BNC2: variants seen among roughly 807,000 people sequenced by gnomAD.
BNC2 encodes basonuclin zinc finger protein 2.
Under a neutral mutation model 76.3 loss-of-function variants are expected in BNC2, and 20 were observed. That is an observed-to-expected ratio of 0.26 (90% confidence interval 0.18 to 0.38). The LOEUF is 0.38. BNC2 is among the 10% of genes least tolerant of loss of function. BNC2 has a pLI of 1.00. For missense variants in BNC2, 1,382 were observed against 1,399.8 expected (o/e 0.99, Z 0.20); for synonymous variants, 582 against 514.8 (o/e 1.13, Z -1.77).
At chr9:16,795,433 A>T (rs1009742988) in intron 1 of BNC2, among the ~76,000 whole-genome samples, 1 of 151,668 alleles carries the variant, frequency 6.6e-6, no homozygotes, top group Non-Finnish European at 1.5e-5. Context: ...AATACCGGAA[A>T]CATTGGGAGA....
At chr9:16,718,587 T>C (rs1203787364) in intron 3 of BNC2, among the ~76,000 whole-genome samples, 1 of 152,200 alleles carries the variant, frequency 6.6e-6, no homozygotes, top group Non-Finnish European at 1.5e-5. Context: ...TGAAGTAAGC[T>C]GTAGTCTCCC....
intron 1 of BNC2, among the ~76,000 whole-genome samples, chr9:16,784,683 T>C (rs978094942): frequency 6.6e-6 from 1 of 152,184 alleles, no homozygotes; most frequent in African/African-American, 2.4e-5. Flanking sequence ...CCAATCTCAA[T>C]CACTAGAGTA....
intron 1 of BNC2, among the ~76,000 whole-genome samples, chr9:16,763,593 T>C (rs1330510573): frequency 1.3e-5 from 2 of 151,802 alleles, no homozygotes; most frequent in Non-Finnish European, 2.9e-5. Flanking sequence ...AAAACCATCA[T>C]CACCTTCAGA....
intron 3 of BNC2, among the ~76,000 whole-genome samples, chr9:16,687,734 T>C (rs1272680124): frequency 6.6e-6 from 1 of 152,200 alleles, no homozygotes; most frequent in African/African-American, 2.4e-5. Flanking sequence ...ACCTTAAGAT[T>C]ATTTGACCAC....
chr9:16,520,455 G>C (rs1006638237), intron 5 of BNC2, among the ~76,000 whole-genome samples: 1 of 152,118 alleles, frequency 6.6e-6, no homozygotes, highest in Non-Finnish European at 1.5e-5. Flanking sequence ...TGAATGGAGA[G>C]CATGAGATTC....
At chr9:16,703,148 G>A (rs1035619723) in intron 3 of BNC2, among the ~76,000 whole-genome samples, 4 of 152,018 alleles carry the variant, frequency 2.6e-5, no homozygotes, top group African/African-American at 9.7e-5. Flanking sequence ...AAATCAAATT[G>A]GAAAGGGCTG....
At chr9:16,518,890 T>C (rs1817524613) in intron 5 of BNC2, among the ~76,000 whole-genome samples, 1 of 152,336 alleles carries the variant, frequency 6.6e-6, no homozygotes. Context: ...CGTGAGCCAC[T>C]GAGCCCGGCC....
At chr9:16,820,901 G>A (rs534696222) in intron 1 of BNC2, among the ~76,000 whole-genome samples, 67 of 152,138 alleles carry the variant, frequency 4.4e-4, no homozygotes, top group African/African-American at 1.5e-3. Flanking sequence ...CCAGGGCAAT[G>A]ATGGCTTAAA....
intron 5 of BNC2, among the ~76,000 whole-genome samples, chr9:16,469,878 C>T (rs1821783926): frequency 6.6e-6 from 1 of 152,048 alleles, no homozygotes; most frequent in East Asian, 1.9e-4. Flanking sequence ...GCATTTTGCC[C>T]CTGCTCTAGA....
intron 3 of BNC2, among the ~76,000 whole-genome samples, chr9:16,667,885 A>G (rs1288070643): frequency 6.6e-6 from 1 of 152,128 alleles, no homozygotes; most frequent in African/African-American, 2.4e-5. Context: ...CTCTATTTGC[A>G]CCCCAAAACA....
chr9:16,429,094 C>T (rs992738344), intron 6 of BNC2, among the ~76,000 whole-genome samples: 1 of 152,106 alleles, frequency 6.6e-6, no homozygotes, highest in Non-Finnish European at 1.5e-5. Flanking sequence ...CTGCCACATT[C>T]ATTTATTTGA....
chr9:16,533,057 A>G (rs1818029295), intron 5 of BNC2, among the ~76,000 whole-genome samples: 2 of 152,232 alleles, frequency 1.3e-5, no homozygotes, highest in Admixed American at 6.5e-5. Context: ...ATATACACTC[A>G]TTTAAACTTT....
At chr9:16,421,864 C>CT (rs5896690) in intron 6 of BNC2, among the ~76,000 whole-genome samples, 1 of 151,828 alleles carries the variant, frequency 6.6e-6, no homozygotes, top group Non-Finnish European at 1.5e-5. Context: ...AAATCCTACC[C>CT]GTTTATTATT....
At position 16,417,964 on chromosome 9, in the gene BNC2, T is replaced by G. The variant is rs1406056431; in HGVS notation, c.*1025A>C. On this transcript the variant is annotated 3_prime_UTR_variant, in exon 7 of 7. Transcript: ENST00000380672. The stretch of plus-strand genomic sequence containing the variant: ...CCTGTGGTTATGTTGAGTGACTAAT[T>G]GTATTTTCTTTTCTGGAAACTTGTG... The G allele has an allele frequency of 6.6e-6, 1 of 152,666 alleles. No individual in the cohort carries two copies. The highest frequency in any genetic ancestry group is 2.4e-5 in the African/African-American group (1 of 41,454). 9.5% of individuals were successfully genotyped at this position (152,666 alleles called of 1,614,324 possible).
intron 5 of BNC2, among the ~76,000 whole-genome samples, chr9:16,495,696 G>A (rs1189211089): frequency 1.3e-5 from 2 of 152,138 alleles, no homozygotes; most frequent in South Asian, 2.1e-4. Flanking sequence ...GGCTCAACAT[G>A]AGCTTGCTAG....
chr9:16,850,441 A>G (rs540984350), intron 1 of BNC2, among the ~76,000 whole-genome samples: 30 of 152,372 alleles, frequency 2.0e-4, no homozygotes, highest in East Asian at 7.7e-4. Context: ...CAATGTCAAA[A>G]TTGTCAGCTT....
chr9:16,780,129 G>A (rs1211754911), intron 1 of BNC2, among the ~76,000 whole-genome samples: 1 of 151,130 alleles, frequency 6.6e-6, no homozygotes, highest in Non-Finnish European at 1.5e-5. Flanking sequence ...CCAGCTACTA[G>A]GGAGGCTGAG....
chr9:16,675,768 A>T (rs1219432492), intron 3 of BNC2, among the ~76,000 whole-genome samples: 1 of 152,212 alleles, frequency 6.6e-6, no homozygotes, highest in Non-Finnish European at 1.5e-5. Flanking sequence ...TACATAACTT[A>T]AGTAATTTCC....
chr9:16,495,652 C>G (rs984550629), intron 5 of BNC2, among the ~76,000 whole-genome samples: 1 of 152,164 alleles, frequency 6.6e-6, no homozygotes, highest in African/African-American at 2.4e-5. Context: ...GGGCTTTATC[C>G]GCTCAGAAAG....
Sources: gnomAD v4.1 joint callset for allele counts (sites outside exome capture counted in the v4.1 genomes callset) on GRCh38, gnomAD v4.1.1 for gene constraint, MANE v1.5 for transcripts, NCBI Gene and HGNC (gene_info 2026-07-23, HGNC 2026-07-21) for gene names.